The following B3GALT1 variants were observed in gnomAD, a reference collection of about 807,000 sequenced individuals.
B3GALT1 encodes UDP-Gal:betaGlcNAc beta 1,3-galactosyltransferase, polypeptide 1.
In B3GALT1, 10 loss-of-function variants were observed where a neutral mutation model predicts 23.2. The observed-to-expected ratio is 0.43, with a 90% confidence interval of 0.27 to 0.73. B3GALT1 has a LOEUF of 0.73. Ranked by LOEUF, B3GALT1 falls within the 30% of genes least tolerant of loss-of-function variation. B3GALT1 has a pLI of 0.21. For missense variants in B3GALT1, 299 were observed against 405.4 expected (o/e 0.74, Z 2.25); for synonymous variants, 156 against 141.5 (o/e 1.10, Z -0.73).
intron 2 of B3GALT1, among the ~76,000 whole-genome samples, chr2:167,584,980 G>A (rs760857186): frequency 2.0e-5 from 3 of 152,004 alleles, no homozygotes; most frequent in South Asian, 2.1e-4. Flanking sequence ...TTTGCCCCCC[G>A]TCTCATCCCC....
intron 1 of B3GALT1, among the ~76,000 whole-genome samples, chr2:167,405,509 G>A (rs1408385855): frequency 3.3e-5 from 5 of 152,038 alleles, no homozygotes; most frequent in African/African-American, 1.2e-4. Context: ...GAAAAGCTCA[G>A]AAATTGAGGT....
intron 3 of B3GALT1, among the ~76,000 whole-genome samples, chr2:167,717,052 A>C (rs1687155829): frequency 6.6e-6 from 1 of 152,160 alleles, no homozygotes; most frequent in Non-Finnish European, 1.5e-5. Context: ...CATCAATCAT[A>C]ATTTAGGAAA....
intron 2 of B3GALT1, among the ~76,000 whole-genome samples, chr2:167,520,398 C>G (rs73024082): frequency 0.038 from 5,757 of 152,234 alleles, 210 homozygotes; most frequent in African/African-American, 0.094. Context: ...CATCAAAACT[C>G]TCCCAAAATT....
chr2:167,325,323 C>T (rs896649200), intron 1 of B3GALT1, among the ~76,000 whole-genome samples: 2 of 151,984 alleles, frequency 1.3e-5, no homozygotes, highest in Non-Finnish European at 2.9e-5. Flanking sequence ...GCTCACAGGT[C>T]TGTAGGCTGG....
chr2:167,605,337 G>A (rs111795371), intron 2 of B3GALT1, among the ~76,000 whole-genome samples: 2,211 of 152,306 alleles, frequency 0.015, 24 homozygotes, highest in Middle Eastern at 0.02. Flanking sequence ...TGTGGATTAT[G>A]TAGGCACAGC....
intron 3 of B3GALT1, among the ~76,000 whole-genome samples, chr2:167,674,967 C>A (rs1236032710): frequency 6.6e-6 from 1 of 152,152 alleles, no homozygotes; most frequent in Non-Finnish European, 1.5e-5. Flanking sequence ...TCAAGACAAG[C>A]AGCCAGCATG....
chr2:167,675,486 A>T (rs895271866), intron 3 of B3GALT1, among the ~76,000 whole-genome samples: 1 of 152,224 alleles, frequency 6.6e-6, no homozygotes, highest in Non-Finnish European at 1.5e-5. Flanking sequence ...ACATAATGAA[A>T]TAATCAGACA....
At chr2:167,707,404 TC>T (rs1686981951) in intron 3 of B3GALT1, among the ~76,000 whole-genome samples, 1 of 152,162 alleles carries the variant, frequency 6.6e-6, no homozygotes, top group East Asian at 1.9e-4. Flanking sequence ...ATCTTTCCAT[TC>T]CGTAGGGTAG....
chr2:167,621,804 C>A (rs1685265069), intron 2 of B3GALT1, among the ~76,000 whole-genome samples: 1 of 152,032 alleles, frequency 6.6e-6, no homozygotes, highest in Non-Finnish European at 1.5e-5. Context: ...CTAACTGCTG[C>A]TGCCTTGTGA....
chr2:167,674,307 G>A (rs1038247875), intron 3 of B3GALT1, among the ~76,000 whole-genome samples: 1 of 152,090 alleles, frequency 6.6e-6, no homozygotes, highest in African/African-American at 2.4e-5. Flanking sequence ...TAATGGAAAA[G>A]CATGGTCTTT....
intron 2 of B3GALT1, among the ~76,000 whole-genome samples, chr2:167,593,593 TTA>T (rs903995720): frequency 1.3e-5 from 2 of 152,098 alleles, no homozygotes; most frequent in African/African-American, 4.8e-5. Context: ...GAATAATGAG[TTA>T]TGTGTGCTTA....
chr2:167,473,764 T>C (rs1172986848), intron 1 of B3GALT1, among the ~76,000 whole-genome samples: 2 of 152,138 alleles, frequency 1.3e-5, no homozygotes, highest in Non-Finnish European at 2.9e-5. Context: ...AAATAGGGGA[T>C]GCTATTGTCT....
intron 1 of B3GALT1, among the ~76,000 whole-genome samples, chr2:167,484,924 G>T (rs148763221): frequency 0.014 from 2,058 of 152,328 alleles, 26 homozygotes; most frequent in Middle Eastern, 0.034. Flanking sequence ...GTCATGTGAT[G>T]CTAGACTAGA....
Position 167,617,663 on chromosome 2 carries a change from G to T in B3GALT1, c.-409-29246G>T, listed in dbSNP as rs1356310223. ...TCTAGTTAACTACATTCTTTTATCA[G>T]TTCTAATTTGGGAGGTACAGGATCA... On this transcript the variant is annotated intron_variant, in intron 2 of 4. Coordinates refer to ENST00000392690, the MANE Select transcript of B3GALT1 (RefSeq NM_020981.4). Among the ~76,000 whole-genome samples, 3 of 152,128 alleles carry T rather than the reference G, an allele frequency of 2.0e-5. No individual in the cohort carries two copies. The East Asian group carries it at 5.8e-4, about 29-fold the overall frequency.
chr2:167,804,972 A>G (rs1161484139), intron 3 of B3GALT1, among the ~76,000 whole-genome samples: 1 of 152,178 alleles, frequency 6.6e-6, no homozygotes, highest in Non-Finnish European at 1.5e-5. Context: ...ATTTCTGCAC[A>G]TCCTCTCCAG....
At chr2:167,578,633 C>G (rs765945656) in intron 2 of B3GALT1, among the ~76,000 whole-genome samples, 6 of 151,726 alleles carry the variant, frequency 4.0e-5, no homozygotes, top group Non-Finnish European at 5.9e-5. Flanking sequence ...CCAAAATGTT[C>G]TAATAAGGGT....
intron 1 of B3GALT1, among the ~76,000 whole-genome samples, chr2:167,399,001 G>T (rs1280695048): frequency 6.6e-6 from 1 of 152,136 alleles, no homozygotes; most frequent in Non-Finnish European, 1.5e-5. Flanking sequence ...AATCCACAGG[G>T]TTCACAGCAG....
chr2:167,704,532 T>C (rs1327966365), intron 3 of B3GALT1, among the ~76,000 whole-genome samples: 1 of 151,850 alleles, frequency 6.6e-6, no homozygotes, highest in Non-Finnish European at 1.5e-5. Flanking sequence ...TTCTCTAGCC[T>C]ACTTTAAAAA....
chr2:167,478,452 C>T (rs1166830196), intron 1 of B3GALT1, among the ~76,000 whole-genome samples: 1 of 152,070 alleles, frequency 6.6e-6, no homozygotes, highest in African/African-American at 2.4e-5. Flanking sequence ...CATGAAGTCC[C>T]TCCCAGATCT....
Sources: gnomAD v4.1 joint callset for allele counts (sites outside exome capture counted in the v4.1 genomes callset) on GRCh38, gnomAD v4.1.1 for gene constraint, MANE v1.5 for transcripts, NCBI Gene and HGNC (gene_info 2026-07-23, HGNC 2026-07-21) for gene names.